DDX4: variants seen among roughly 807,000 people sequenced by gnomAD.
DDX4 encodes the protein probable ATP-dependent RNA helicase DDX4.
DDX4 carries 25 observed loss-of-function variants against 100.0 expected under a neutral mutation model. The observed-to-expected ratio is 0.25, with a 90% CI of 0.18 to 0.35. The LOEUF is 0.35. Among genes scored for constraint, DDX4 ranks in the 10% least tolerant of loss-of-function variants. DDX4 has a pLI of 1.00. For synonymous variants in DDX4, 259 were observed against 275.7 expected, an observed-to-expected ratio of 0.94 and a Z score of 0.60; for missense variants, 635 against 882.4, an observed-to-expected ratio of 0.72 and a Z score of 3.55.
intron 18 of DDX4, among the ~76,000 whole-genome samples, chr5:55,807,130 G>A (rs1743783215): frequency 6.6e-6 from 1 of 152,126 alleles, no homozygotes; most frequent in Non-Finnish European, 1.5e-5. Flanking sequence ...TTTTATCAGA[G>A]ACTAGGATTG....
At chr5:55,765,220 AT>A (rs1177658361) in intron 6 of DDX4, among the ~76,000 whole-genome samples, 1 of 151,698 alleles carries the variant, frequency 6.6e-6, no homozygotes, top group Non-Finnish European at 1.5e-5. Flanking sequence ...ATTCAAGATC[AT>A]TTCTACTTAT....
chr5:55,787,251 T>A (rs1322888716), intron 14 of DDX4, among the ~76,000 whole-genome samples: 1 of 152,132 alleles, frequency 6.6e-6, no homozygotes, highest in Non-Finnish European at 1.5e-5. Context: ...ATAGTAGAAT[T>A]GTAGGGAAAA....
At chr5:55,779,316 A>G (rs1741764240) in intron 7 of DDX4, among the ~76,000 whole-genome samples, 1 of 152,218 alleles carries the variant, frequency 6.6e-6, no homozygotes, top group Admixed American at 6.5e-5. Flanking sequence ...AATAGCATAT[A>G]TAGAATTTAT....
At chr5:55,792,123 CAAAAAAAAAAA>C (rs35635463) in intron 16 of DDX4, among the ~76,000 whole-genome samples, 3 of 52,062 alleles carry the variant, frequency 5.8e-5, no homozygotes, top group Non-Finnish European at 7.6e-5. Context: ...GACTCCTTCT[CAAAAAAAAAAA>C]AAAAAAAAAA....
At chr5:55,792,453 G>C (rs1580582761) in intron 16 of DDX4, among the ~76,000 whole-genome samples, 188 bp from the exon 17 acceptor site, 1 of 151,228 alleles carries the variant, frequency 6.6e-6, no homozygotes, top group Non-Finnish European at 1.5e-5. Context: ...TCTGCCTCCC[G>C]GGTTCACACC....
chr5:55,763,568 AAAC>A (rs1409597187), intron 5 of DDX4, among the ~76,000 whole-genome samples: 1 of 152,148 alleles, frequency 6.6e-6, no homozygotes, highest in Non-Finnish European at 1.5e-5. Flanking sequence ...AAAAAAGAGT[AAAC>A]AAAAAGAAGC....
At chr5:55,810,393 C>T (rs1473100491) in intron 18 of DDX4, among the ~76,000 whole-genome samples, 1 of 152,198 alleles carries the variant, frequency 6.6e-6, no homozygotes, top group Admixed American at 6.5e-5. Flanking sequence ...GTATGAGCCA[C>T]CATGCCTAGC....
chr5:55,812,689 T>A (rs1744187419), intron 18 of DDX4, among the ~76,000 whole-genome samples: 1 of 152,212 alleles, frequency 6.6e-6, no homozygotes, highest in Non-Finnish European at 1.5e-5. Flanking sequence ...TATCTTTATA[T>A]CTTTACTAAG....
chr5:55,799,714 G>C (rs1207157381), intron 18 of DDX4, among the ~76,000 whole-genome samples: 4 of 152,018 alleles, frequency 2.6e-5, no homozygotes, highest in African/African-American at 7.2e-5. Context: ...TAGTTCGGTT[G>C]TTTAGCCTTA....
intron 18 of DDX4, among the ~76,000 whole-genome samples, chr5:55,813,449 AAG>A (rs1329712529): frequency 6.6e-6 from 1 of 152,172 alleles, no homozygotes; most frequent in Non-Finnish European, 1.5e-5. Context: ...GGGAGGAGGA[AAG>A]AGAAGCTAAT....
intron 18 of DDX4, 99 bp downstream of exon 18, chr5:55,798,670 GTTTGT>G (rs1344027639): frequency 3.3e-6 from 4 of 1,210,550 alleles, no homozygotes; most frequent in African/African-American, 3.1e-5. Flanking sequence ...CTTTTCATAA[GTTTGT>G]TTTAAGTCTC....
At chr5:55,769,902 T>G (rs1741152226) in intron 7 of DDX4, among the ~76,000 whole-genome samples, 1 of 151,706 alleles carries the variant, frequency 6.6e-6, no homozygotes, top group Admixed American at 6.6e-5. Flanking sequence ...AGTCTCACTC[T>G]GTCACCCAGG....
chr5:55,787,973 A>C lies in DDX4; in HGVS notation c.1145A>C (p.Tyr382Ser). The C allele has an allele frequency of 6.2e-7, 1 of 1,613,236 alleles. No individual in the cohort carries two copies. Among genetic ancestry groups the C allele is most frequent in the Non-Finnish European group, 8.5e-7 (1 of 1,179,698 alleles). ...ACTCGAGAATTGGTCAACCAGATTT[A>C]TTTGGAAGCCAGAAAATTTTCTTTT... is the stretch of plus-strand genomic sequence containing the variant. ...APTRELVNQI[Y>S]LEARKFSFGT... Residue 382 changes from tyrosine to serine, a missense_variant, in exon 15 of 22, where the codon TAT (tyrosine) becomes TCT (serine). Physicochemically the swap from Tyr to Ser is moderately radical, Grantham distance 144 (BLOSUM62 -2). Transcript: ENST00000505374.
chr5:55,800,655 A>G (rs1336767990), intron 18 of DDX4, among the ~76,000 whole-genome samples: 1 of 152,120 alleles, frequency 6.6e-6, no homozygotes, highest in Non-Finnish European at 1.5e-5. Flanking sequence ...CTTGTGGGAT[A>G]AAGTTTATTT....
chr5:55,816,677 A>T lies in DDX4; in HGVS notation c.*137A>T. ...TATTCTCACTCCTACACTTAAAAAA[A>T]AAATCCTTACTGACTAGTTATGTGA... On this transcript the variant is annotated 3_prime_UTR_variant, in exon 22 of 22. Coordinates refer to ENST00000505374, the MANE Select transcript of DDX4 (RefSeq NM_024415.3). 7.1e-7 allele frequency: 1 copy of T among 1,410,818 alleles called. No individual in the cohort carries two copies. Among genetic ancestry groups the T allele is most frequent in the Non-Finnish European group, 9.3e-7 (1 of 1,071,818 alleles). The allele number at this position is 1,410,818 out of a possible 1,614,324, so 87.4% of individuals were successfully genotyped here. A position where few individuals can be genotyped will look rare whatever the true frequency, so the allele number is the denominator to read the frequency against.
intron 7 of DDX4, among the ~76,000 whole-genome samples, chr5:55,774,486 T>A (rs1741444253): frequency 6.6e-6 from 1 of 152,186 alleles, no homozygotes; most frequent in African/African-American, 2.4e-5. Flanking sequence ...GGGTTGTCTT[T>A]TCCCTTTCTT....
chr5:55,802,287 C>T (rs1743362693), intron 18 of DDX4, among the ~76,000 whole-genome samples: 1 of 152,046 alleles, frequency 6.6e-6, no homozygotes, highest in Non-Finnish European at 1.5e-5. Context: ...GATGCGAGAT[C>T]AGATATGATT....
chr5:55,775,552 C>T (rs992965178), intron 7 of DDX4, among the ~76,000 whole-genome samples: 2 of 152,018 alleles, frequency 1.3e-5, no homozygotes, highest in African/African-American at 2.4e-5. Context: ...TTTAGAGTTC[C>T]TTACTTGGCC....
intron 18 of DDX4, among the ~76,000 whole-genome samples, chr5:55,809,050 C>T (rs1170570311): frequency 1.3e-5 from 2 of 152,236 alleles, no homozygotes; most frequent in East Asian, 1.9e-4. Context: ...TGCTGCCTTG[C>T]AGTTTGATCT....
Sources: allele counts gnomAD v4.1 joint callset (sites outside exome capture counted in the v4.1 genomes callset), GRCh38; gene constraint gnomAD v4.1.1; transcripts MANE v1.5; gene names NCBI Gene and HGNC (gene_info 2026-07-23, HGNC 2026-07-21).